AKAP6: variants seen among roughly 807,000 people sequenced by gnomAD.
The protein encoded by AKAP6 is A-kinase anchoring protein 6.
AKAP6 carries 58 observed loss-of-function variants against 188.5 expected under a neutral mutation model. That is an observed-to-expected ratio of 0.31 (90% CI 0.25 to 0.38). AKAP6 has a LOEUF of 0.38. AKAP6 is among the 10% of genes least tolerant of loss of function. The pLI, the probability that AKAP6 is intolerant of heterozygous loss-of-function variation, is 1.00. For missense variants in AKAP6, 2,710 were observed against 2,740.0 expected (o/e 0.99, Z 0.24); for synonymous variants, 989 against 998.6 (o/e 0.99, Z 0.18).
At chr14:32,808,025 T>G (rs2140107275) in intron 12 of AKAP6, among the ~76,000 whole-genome samples, 1 of 152,342 alleles carries the variant, frequency 6.6e-6, no homozygotes, top group East Asian at 1.9e-4. Context: ...GTCAACTTTG[T>G]CCAATGCAGG....
At chr14:32,360,197 G>A (rs926504237) in intron 1 of AKAP6, among the ~76,000 whole-genome samples, 8 of 150,904 alleles carry the variant, frequency 5.3e-5, no homozygotes, top group Non-Finnish European at 7.4e-5. Flanking sequence ...GTGCAATCTT[G>A]GCTCATTGCA....
At chr14:32,571,410 G>C (rs1884482410) in intron 4 of AKAP6, among the ~76,000 whole-genome samples, 1 of 152,034 alleles carries the variant, frequency 6.6e-6, no homozygotes, top group Non-Finnish European at 1.5e-5. Context: ...TGCACCTGTA[G>C]TCCCAGCTAC....
chr14:32,469,469 A>G (rs1325219765), intron 2 of AKAP6, among the ~76,000 whole-genome samples: 1 of 152,228 alleles, frequency 6.6e-6, no homozygotes, highest in Non-Finnish European at 1.5e-5. Flanking sequence ...AACATGTCCA[A>G]TAATCTGTAT....
At chr14:32,641,387 C>G (rs1159143861) in intron 7 of AKAP6, among the ~76,000 whole-genome samples, 3 of 150,336 alleles carry the variant, frequency 2.0e-5, no homozygotes, top group Non-Finnish European at 4.4e-5. Flanking sequence ...CCTGTAATCC[C>G]AGCACTTTGA....
At chr14:32,534,989 CA>C (rs10707758) in intron 2 of AKAP6, among the ~76,000 whole-genome samples, 22,186 of 101,878 alleles carry the variant, frequency 0.22, 2,756 homozygotes, top group African/African-American at 0.44. Context: ...AAAAACAAAC[CA>C]AAAAAAAAAA....
At chr14:32,506,344 G>A (rs919210849) in intron 2 of AKAP6, among the ~76,000 whole-genome samples, 3 of 152,114 alleles carry the variant, frequency 2.0e-5, no homozygotes, top group East Asian at 1.9e-4. Context: ...CCTAATGGCC[G>A]ATAAGTCTAG....
rs1180295158 is a variant in AKAP6, at chr14:32,626,438, A to G, written c.2730+25646A>G. ...ATACATGTTGGATCACTCAAACTCC[A>G]GCTCAGAAGCCTTGCCAATGAATAA... On this transcript the variant is annotated intron_variant, in intron 7 of 13. Coordinates refer to ENST00000280979, the MANE Select transcript of AKAP6 (RefSeq NM_004274.5). Among the ~76,000 whole-genome samples the G allele has an allele frequency of 4.6e-5, 7 of 152,212 alleles. No homozygotes were observed. The East Asian group carries it at 1.4e-3, about 29-fold the overall frequency.
chr14:32,427,533 A>G (rs1316300933), intron 1 of AKAP6, among the ~76,000 whole-genome samples: 1 of 152,196 alleles, frequency 6.6e-6, no homozygotes, highest in East Asian at 1.9e-4. Context: ...AAACTAAGTG[A>G]CGAACTAGAT....
At chr14:32,797,678 A>G (rs58848866) in intron 12 of AKAP6, among the ~76,000 whole-genome samples, 28,138 of 152,020 alleles carry the variant, frequency 0.19, 3,383 homozygotes, top group African/African-American at 0.34. Context: ...TGCTGAGCTT[A>G]ATACCTAGGT....
intron 1 of AKAP6, among the ~76,000 whole-genome samples, chr14:32,342,148 C>T (rs1305808030): frequency 6.6e-6 from 1 of 152,166 alleles, no homozygotes; most frequent in Non-Finnish European, 1.5e-5. Context: ...TTTCCATGTG[C>T]TGATGACTCA....
At chr14:32,553,424 G>T (rs1346464523) in intron 4 of AKAP6, among the ~76,000 whole-genome samples, 1 of 151,940 alleles carries the variant, frequency 6.6e-6, no homozygotes, top group Non-Finnish European at 1.5e-5. Flanking sequence ...CACTTGCCTT[G>T]GCCTCCCGAA....
chr14:32,475,661 A>G (rs111963413), intron 2 of AKAP6, among the ~76,000 whole-genome samples: 7 of 149,312 alleles, frequency 4.7e-5, no homozygotes, highest in African/African-American at 1.5e-4. Context: ...GTCTGCAGAC[A>G]GAAATCATTT....
At chr14:32,515,640 A>G (rs2139039066) in intron 2 of AKAP6, among the ~76,000 whole-genome samples, 1 of 152,282 alleles carries the variant, frequency 6.6e-6, no homozygotes, top group African/African-American at 2.4e-5. Flanking sequence ...AGGCTCAGCA[A>G]TCTATGGGGA....
At chr14:32,776,753 G>A (rs879819595) in intron 12 of AKAP6, among the ~76,000 whole-genome samples, 1 of 152,016 alleles carries the variant, frequency 6.6e-6, no homozygotes, top group Non-Finnish European at 1.5e-5. Flanking sequence ...CCAAGAAGAT[G>A]ATCTTTAATC....
intron 2 of AKAP6, among the ~76,000 whole-genome samples, chr14:32,439,669 A>T (rs905018776): frequency 6.6e-5 from 10 of 152,220 alleles, no homozygotes; most frequent in African/African-American, 2.4e-4. Flanking sequence ...CATAGTCGTG[A>T]CAGTGAGCAA....
chr14:32,608,010 G>T (rs529005488), intron 7 of AKAP6, among the ~76,000 whole-genome samples: 1 of 152,250 alleles, frequency 6.6e-6, no homozygotes, highest in Non-Finnish European at 1.5e-5. Context: ...TACTAAGTTT[G>T]TTATCGAATC....
At chr14:32,435,440 T>C (rs1419456171) in intron 2 of AKAP6, among the ~76,000 whole-genome samples, 1 of 152,236 alleles carries the variant, frequency 6.6e-6, no homozygotes, top group Non-Finnish European at 1.5e-5. Flanking sequence ...CAAATAAGAA[T>C]GTAAAGTTTT....
chr14:32,780,155 A>AAAAAAAATATATAT (rs1555361856), intron 12 of AKAP6, among the ~76,000 whole-genome samples: 1 of 91,444 alleles, frequency 1.1e-5, no homozygotes, highest in African/African-American at 4.1e-5. Context: ...TGAAAAAAAA[A>AAAAAAAATATATAT]ACATATATAT....
chr14:32,546,611 T>G lies in AKAP6; in HGVS notation c.1958T>G (p.Leu653Arg). ...LALKLENLTK[L>R]LPQKPRGETI... ...TTGAAGTTGGAAAACCTAACAAAGC[T>G]TCTGCCTCAGAAACCCAGAGGAGAA... Residue 653 changes from leucine to arginine, a missense_variant, in exon 4 of 14, where the codon CTT becomes CGT. This residue lies in a region of AKAP6 where 2,473 missense variants were observed against 2,426.1 expected (regional missense o/e 1.02). Transcript: ENST00000280979. 1 of 1,614,182 alleles carries G rather than the reference T, an allele frequency of 6.2e-7. No individual in the cohort carries two copies. Among genetic ancestry groups the G allele is most frequent in the Non-Finnish European group, 8.5e-7 (1 of 1,180,022 alleles).
Sources: gnomAD v4.1 joint callset for allele counts (sites outside exome capture counted in the v4.1 genomes callset) on GRCh38, gnomAD v4.1.1 for gene constraint, gnomAD v4.1.1 regional missense constraint, MANE v1.5 for transcripts, NCBI Gene and HGNC (gene_info 2026-07-23, HGNC 2026-07-21) for gene names.